ADGRB3: variants seen among roughly 807,000 people sequenced by gnomAD.
The protein encoded by ADGRB3 is brain-specific angiogenesis inhibitor 3.
Under a neutral mutation model 193.4 loss-of-function variants are expected in ADGRB3, and 37 were observed. The observed-to-expected ratio is 0.19, with a 90% CI of 0.15 to 0.25. The LOEUF is 0.25. Ranked by LOEUF, ADGRB3 falls within the 10% of genes least tolerant of loss-of-function variation. The pLI is 1.00. For synonymous variants in ADGRB3, 690 were observed against 644.2 expected (o/e 1.07, Z -1.08); for missense variants, 1,637 against 1,852.9 (o/e 0.88, Z 2.14).
intron 17 of ADGRB3, among the ~76,000 whole-genome samples, chr6:69,083,993 T>A (rs1725137286): frequency 6.6e-6 from 1 of 152,052 alleles, no homozygotes; most frequent in Non-Finnish European, 1.5e-5. Context: ...CAGTCTGGTC[T>A]CAAAGACCTG....
intron 20 of ADGRB3, among the ~76,000 whole-genome samples, chr6:69,268,147 T>C (rs369498334): frequency 3.3e-5 from 5 of 152,300 alleles, no homozygotes; most frequent in African/African-American, 1.2e-4. Context: ...GGGAATTGAA[T>C]AGTACAGTGA....
At chr6:68,915,939 G>T (rs1766866393) in intron 3 of ADGRB3, among the ~76,000 whole-genome samples, 1 of 151,774 alleles carries the variant, frequency 6.6e-6, no homozygotes, top group Non-Finnish European at 1.5e-5. Context: ...CAGGGGAAAA[G>T]TACTGGGCAA....
At chr6:68,715,354 G>T (rs1344960230) in intron 3 of ADGRB3, among the ~76,000 whole-genome samples, 2 of 151,340 alleles carry the variant, frequency 1.3e-5, no homozygotes, top group East Asian at 3.9e-4. Flanking sequence ...GTTTACTGAG[G>T]TTATATCAAA....
intron 4 of ADGRB3, among the ~76,000 whole-genome samples, chr6:68,932,595 C>T: frequency 6.6e-6 from 1 of 151,672 alleles, no homozygotes; most frequent in East Asian, 1.9e-4. Flanking sequence ...TAAATATTTT[C>T]CTAGATTATA....
chr6:69,090,350 A>T (rs531155268), intron 17 of ADGRB3, among the ~76,000 whole-genome samples: 70 of 152,312 alleles, frequency 4.6e-4, no homozygotes, highest in Middle Eastern at 3.4e-3. Context: ...TGTCCTGTGC[A>T]TACCAAAATG....
rs527305295 is a variant in ADGRB3, at chr6:69,273,047, C to T, written c.2814+33821C>T. Among the ~76,000 whole-genome samples, 828 of 152,156 alleles carry T rather than the reference C, an allele frequency of 5.4e-3. 13 individuals are homozygous for T. Among genetic ancestry groups the T allele is most frequent in the African/African-American group, 0.019 (779 of 41,532 alleles). On this transcript the variant is annotated intron_variant, in intron 20 of 31. Transcript: ENST00000370598. ...TCCCGAGTAGCTGAGACCACAAGCC[C>T]GTGCCACCATGCCCGGCTAATTTTT...
intron 3 of ADGRB3, among the ~76,000 whole-genome samples, chr6:68,796,965 T>C (rs1582209521): frequency 6.6e-6 from 1 of 152,242 alleles, no homozygotes; most frequent in East Asian, 1.9e-4. Context: ...TCCAGAGACA[T>C]GAAGTGTATT....
At chr6:69,143,034 G>T (rs1022649238) in intron 17 of ADGRB3, among the ~76,000 whole-genome samples, 4 of 152,062 alleles carry the variant, frequency 2.6e-5, no homozygotes, top group Non-Finnish European at 5.9e-5. Context: ...CCACATCCTA[G>T]CCAGCATTTG....
intron 12 of ADGRB3, 72 bp downstream of exon 12, chr6:69,014,178 G>A: frequency 9.6e-7 from 1 of 1,040,644 alleles, no homozygotes. Flanking sequence ...TAAATTAATG[G>A]CTTGCTATTT....
At chr6:68,993,416 C>A (rs1187945483) in intron 10 of ADGRB3, among the ~76,000 whole-genome samples, 1 of 152,124 alleles carries the variant, frequency 6.6e-6, no homozygotes, top group Non-Finnish European at 1.5e-5. Flanking sequence ...CTGATCACAC[C>A]TTACTAAACA....
intron 6 of ADGRB3, among the ~76,000 whole-genome samples, chr6:68,951,685 A>G (rs1240351268): frequency 6.6e-6 from 1 of 152,180 alleles, no homozygotes; most frequent in African/African-American, 2.4e-5. Flanking sequence ...CTGAGATGTG[A>G]ATCAGTTTTC....
intron 3 of ADGRB3, among the ~76,000 whole-genome samples, chr6:68,896,991 G>A (rs1042348802): frequency 1.3e-5 from 2 of 151,996 alleles, no homozygotes; most frequent in Non-Finnish European, 2.9e-5. Context: ...CTCCTCTGGG[G>A]GTTACAAGAT....
At chr6:69,125,971 T>A (rs529438539) in intron 17 of ADGRB3, among the ~76,000 whole-genome samples, 43 of 152,178 alleles carry the variant, frequency 2.8e-4, no homozygotes, top group Non-Finnish European at 5.4e-4. Flanking sequence ...ATGAAGAATC[T>A]TGTGTTTTGT....
intron 31 of ADGRB3, among the ~76,000 whole-genome samples, chr6:69,388,407 C>T (rs1582673155): frequency 6.6e-6 from 1 of 152,096 alleles, no homozygotes; most frequent in East Asian, 1.9e-4. Flanking sequence ...TATGGTCATA[C>T]TGACAATTCA....
At chr6:69,354,120 G>A in intron 26 of ADGRB3, 113 bp from the exon 27 acceptor site, 2 of 704,538 alleles carry the variant, frequency 2.8e-6, no homozygotes, top group East Asian at 2.5e-5. Flanking sequence ...AACAAAATCA[G>A]TATAAGATAG....
chr6:69,115,733 G>A (rs1773513509), intron 17 of ADGRB3, among the ~76,000 whole-genome samples: 1 of 152,206 alleles, frequency 6.6e-6, no homozygotes, highest in Non-Finnish European at 1.5e-5. Context: ...AAAGAATGCA[G>A]TTAGCTGATG....
chr6:68,945,190 A>G (rs1327913244), intron 6 of ADGRB3, among the ~76,000 whole-genome samples: 1 of 152,166 alleles, frequency 6.6e-6, no homozygotes, highest in African/African-American at 2.4e-5. Flanking sequence ...AGGTTCCTGT[A>G]CTTAATGACT....
In ADGRB3 at chr6:69,233,261, A is replaced by G. The variant is rs756484375; in HGVS notation, c.2481-29A>G. 4 of 1,609,298 alleles carry G rather than the reference A, an allele frequency of 2.5e-6. No individual in the cohort carries two copies. In the Admixed American group the frequency reaches 6.7e-5, roughly 27 times the overall value. ...TTGGCTATCAGGCGTATTTATCCCG[A>G]TTTCCTCCCCCCTCACTCCCCTTTG... On this transcript the variant is annotated intron_variant, in intron 17 of 31. Coordinates refer to ENST00000370598, the MANE Select transcript of ADGRB3 (RefSeq NM_001704.3).
intron 17 of ADGRB3, among the ~76,000 whole-genome samples, chr6:69,160,803 A>G (rs1049143215): frequency 6.6e-6 from 1 of 152,150 alleles, no homozygotes; most frequent in Non-Finnish European, 1.5e-5. Flanking sequence ...TCTCTTCTAG[A>G]GAGAGTAAAG....
Sources: allele counts gnomAD v4.1 joint callset (sites outside exome capture counted in the v4.1 genomes callset), GRCh38; gene constraint gnomAD v4.1.1; transcripts MANE v1.5; gene names NCBI Gene and HGNC (gene_info 2026-07-23, HGNC 2026-07-21).